Variants in CHST9 observed in about 807,000 individuals in gnomAD.
CHST9 encodes GalNAc-4-sulfotransferase 2.
CHST9 carries 41 observed loss-of-function variants against 44.4 expected under a neutral mutation model. The ratio of observed to expected loss-of-function variants is 0.92; its 90% CI spans 0.72 to 1.20. The LOEUF (loss-of-function observed/expected upper bound fraction) is 1.20, where lower values mean the gene tolerates loss of function less well. Ranked by LOEUF, CHST9 falls within the 50% of genes most tolerant of loss-of-function variation. CHST9 has a pLI of 0.00. For missense variants in CHST9, 504 were observed against 516.5 expected (o/e 0.98, Z 0.23); for synonymous variants, 171 against 178.4 (o/e 0.96, Z 0.33).
At position 26,909,204 on chromosome 18, in the gene CHST9, A is replaced by C. The variant is rs1199741222; in HGVS notation, c.*7055T>G. 2 of 152,218 alleles carry C rather than the reference A, an allele frequency of 1.3e-5. No homozygotes were observed. Among genetic ancestry groups the C allele is most frequent in the Non-Finnish European group, 2.9e-5 (2 of 68,048 alleles). The allele number at this position is 152,218 out of a possible 1,614,324, so 9.4% of individuals were successfully genotyped here. ...AATCCCACAGAGGACTTTGGTACCA[A>C]TACCCACTGACAATTCTCTGAGCTG... On this transcript the variant is annotated 3_prime_UTR_variant, in exon 6 of 6. Coordinates refer to ENST00000618847, the MANE Select transcript of CHST9 (RefSeq NM_031422.6).
intron 4 of CHST9, among the ~76,000 whole-genome samples, chr18:27,014,453 CAAAAAAAAAAAAAAAAAAAAAAAAAAA>C (rs57437876): frequency 7.6e-5 from 3 of 39,438 alleles, no homozygotes; most frequent in African/African-American, 3.4e-4. Context: ...GACTCTGTCT[CAAAAAAAAAAAAAAAAAAAAAAAAAAA>C]AAAAAAAAAA....
At chr18:26,954,823 C>T (rs1568107517) in intron 4 of CHST9, among the ~76,000 whole-genome samples, 6 of 152,048 alleles carry the variant, frequency 3.9e-5, no homozygotes, top group African/African-American at 1.4e-4. Context: ...GTTTCCTATT[C>T]TATAATGTAA....
chr18:27,108,062 A>T (rs1295649610), intron 2 of CHST9, among the ~76,000 whole-genome samples: 1 of 152,112 alleles, frequency 6.6e-6, no homozygotes, highest in Non-Finnish European at 1.5e-5. Flanking sequence ...CCTAATGTCA[A>T]CAATCTACCC....
At chr18:27,142,965 G>A (rs2058580647) in intron 1 of CHST9, 60 bp from the exon 2 acceptor site, 7 of 617,840 alleles carry the variant, frequency 1.1e-5, no homozygotes, top group Non-Finnish European at 1.9e-5. Flanking sequence ...TCTCAAATAC[G>A]GCATAAATAT....
At chr18:27,034,273 C>CT in intron 3 of CHST9, among the ~76,000 whole-genome samples, 1 of 152,312 alleles carries the variant, frequency 6.6e-6, no homozygotes, top group African/African-American at 2.4e-5. Context: ...TCCACATCCA[C>CT]TCTATCAGCA....
intron 1 of CHST9, among the ~76,000 whole-genome samples, chr18:27,156,861 T>G (rs570413858): frequency 6.6e-6 from 1 of 152,284 alleles, no homozygotes; most frequent in East Asian, 1.9e-4. Flanking sequence ...CAACAAATTA[T>G]TGTGACAAAT....
At chr18:27,024,414 C>A (rs2057261010) in intron 3 of CHST9, among the ~76,000 whole-genome samples, 1 of 152,124 alleles carries the variant, frequency 6.6e-6, no homozygotes, top group South Asian at 2.1e-4. Flanking sequence ...AGCCTGTACT[C>A]TTTATGGCAG....
intron 3 of CHST9, among the ~76,000 whole-genome samples, chr18:27,024,951 T>C (rs1341374885): frequency 6.6e-6 from 1 of 151,862 alleles, no homozygotes; most frequent in Non-Finnish European, 1.5e-5. Flanking sequence ...CCTCAGTTCC[T>C]TCTGAGAACA....
At chr18:27,009,722 A>G (rs2057060385) in intron 4 of CHST9, among the ~76,000 whole-genome samples, 1 of 152,246 alleles carries the variant, frequency 6.6e-6, no homozygotes, top group African/African-American at 2.4e-5. Context: ...GCTCTGTTGA[A>G]AAGGGTACCA....
Position 26,944,312 on chromosome 18 carries a change from G to A in CHST9, c.240+17C>T, listed in dbSNP as rs748922572. On this transcript the variant is annotated intron_variant, in intron 5 of 5. Transcript: ENST00000618847. ...AACAAAATTCTATATTAGAGTTTAC[G>A]AGAAATGAGAGAATACCTGGTTGGT... 12 of 1,594,432 alleles carry A rather than the reference G, an allele frequency of 7.5e-6. 1 individual carries two copies. Among genetic ancestry groups the A allele is most frequent in the Non-Finnish European group, 8.6e-6 (10 of 1,162,896 alleles).
In CHST9 at chr18:27,115,125, G is replaced by A. The variant is rs574527574; in HGVS notation, c.121+27564C>T. Reference sequence around the variant, plus strand: ...CCTTTACCTCCCACCATGATTGTAAGTTTCTTGAGGCCTCCCTAGTAATGT... The same window carrying A: ...CCTTTACCTCCCACCATGATTGTAAATTTCTTGAGGCCTCCCTAGTAATGT... On this transcript the variant is annotated intron_variant, in intron 2 of 5. Coordinates refer to ENST00000618847, the MANE Select transcript of CHST9 (RefSeq NM_031422.6). Among the ~76,000 whole-genome samples, 4 of 152,230 alleles carry A rather than the reference G, an allele frequency of 2.6e-5. No homozygotes were observed. In the East Asian group the frequency reaches 7.7e-4, roughly 29 times the overall value.
At chr18:27,128,904 C>A (rs2058448260) in intron 2 of CHST9, among the ~76,000 whole-genome samples, 1 of 152,186 alleles carries the variant, frequency 6.6e-6, no homozygotes, top group Non-Finnish European at 1.5e-5. Flanking sequence ...GCTGCTCTGT[C>A]TTTTTGGAAT....
chr18:27,123,050 T>A (rs2058388512), intron 2 of CHST9, among the ~76,000 whole-genome samples: 1 of 152,176 alleles, frequency 6.6e-6, no homozygotes. Flanking sequence ...CTTATTTCCC[T>A]CTCTGAAATA....
intron 3 of CHST9, among the ~76,000 whole-genome samples, chr18:27,036,125 G>A (rs564909206): frequency 1.1e-4 from 17 of 152,154 alleles, no homozygotes; most frequent in South Asian, 2.1e-4. Flanking sequence ...GTAACAGTAC[G>A]TATGATATTA....
At chr18:27,096,913 C>T (rs1016063441) in intron 2 of CHST9, among the ~76,000 whole-genome samples, 1 of 152,034 alleles carries the variant, frequency 6.6e-6, no homozygotes, top group African/African-American at 2.4e-5. Flanking sequence ...AAACTCTTCT[C>T]CAACTCACTC....
Position 26,912,408 on chromosome 18 carries a change from C to CACACACACACAA in CHST9, c.*3850_*3851insTTGTGTGTGTGT. 6.7e-6 allele frequency: 1 copy of CACACACACACAA among 148,328 alleles called. No homozygotes were observed. The highest frequency in any genetic ancestry group is 2.2e-4 in the South Asian group (1 of 4,630). The allele number at this position is 148,328 out of a possible 1,614,324, so 9.2% of individuals were successfully genotyped here. The stretch of plus-strand genomic sequence containing the variant: ...ACACACACACACACACACACACACA[C>CACACACACACAA]ACACAGACACCCATATTTGTATGGA... On this transcript the variant is annotated 3_prime_UTR_variant, in exon 6 of 6. Coordinates refer to ENST00000618847, the MANE Select transcript of CHST9 (RefSeq NM_031422.6).
chr18:26,927,617 G>C (rs985575636), intron 5 of CHST9, among the ~76,000 whole-genome samples: 1 of 152,244 alleles, frequency 6.6e-6, no homozygotes, highest in South Asian at 2.1e-4. Context: ...GCATTAAAGA[G>C]CAGTATTGCC....
chr18:26,925,632 T>C (rs1248044689), intron 5 of CHST9, among the ~76,000 whole-genome samples: 8 of 152,270 alleles, frequency 5.3e-5, no homozygotes, highest in African/African-American at 1.9e-4. Context: ...GTTATGTGTC[T>C]TCTTCTATCG....
At chr18:27,176,319 A>AT (rs1242187059) in intron 1 of CHST9, among the ~76,000 whole-genome samples, 1 of 151,898 alleles carries the variant, frequency 6.6e-6, no homozygotes, top group Non-Finnish European at 1.5e-5. Flanking sequence ...TGGAGGATGA[A>AT]TTTGGGGGTG....
Sources: allele counts gnomAD v4.1 joint callset (sites outside exome capture counted in the v4.1 genomes callset), GRCh38; gene constraint gnomAD v4.1.1; transcripts MANE v1.5; gene names NCBI Gene and HGNC (gene_info 2026-07-23, HGNC 2026-07-21).